The following TBC1D22A variants were observed in gnomAD, a reference collection of about 807,000 sequenced individuals.
TBC1D22A encodes the protein TBC1 domain family member 22A.
A neutral mutation model predicts 60.2 loss-of-function variants in TBC1D22A; 38 were observed. That is an observed-to-expected ratio of 0.63 (90% CI 0.49 to 0.83). The LOEUF is 0.83. Ranked by LOEUF, TBC1D22A falls within the 40% of genes least tolerant of loss-of-function variation. The pLI, the probability that TBC1D22A is intolerant of heterozygous loss-of-function variation, is 0.00. For synonymous variants in TBC1D22A, 302 were observed against 281.7 expected (o/e 1.07, Z -0.72); for missense variants, 628 against 701.0 (o/e 0.90, Z 1.18).
chr22:47,128,907 C>G (rs773435768), intron 12 of TBC1D22A, among the ~76,000 whole-genome samples: 1 of 152,230 alleles, frequency 6.6e-6, no homozygotes, highest in Admixed American at 6.5e-5. Context: ...GGCAAAGAAA[C>G]AGGACCGTCA....
chr22:47,085,837 C>T (rs945385685), intron 11 of TBC1D22A, among the ~76,000 whole-genome samples: 1 of 152,076 alleles, frequency 6.6e-6, no homozygotes, highest in African/African-American at 2.4e-5. Context: ...ACCGGGAATC[C>T]AGAGATGGGA....
intron 11 of TBC1D22A, among the ~76,000 whole-genome samples, chr22:47,059,934 T>C (rs1355868052): frequency 6.6e-6 from 1 of 152,160 alleles, no homozygotes; most frequent in African/African-American, 2.4e-5. Flanking sequence ...CAGGCCAAGC[T>C]TCTCTGTTCC....
In TBC1D22A at chr22:47,028,874, A is replaced by G. The variant is rs537908709; in HGVS notation, c.1202-8197A>G. ...TGTGGGACACCACCGCACGATCCTG[A>G]CACTAACATCCCAGAGTTGGTGTCA... On this transcript the variant is annotated intron_variant, in intron 10 of 12. Transcript: ENST00000337137. The surrounding 1 kb of genome is among the most constrained non-coding windows in gnomAD (Gnocchi z 4.4). Among the ~76,000 whole-genome samples, 14 of 152,248 alleles carry G rather than the reference A, an allele frequency of 9.2e-5. No individual in the cohort carries two copies. The East Asian group carries it at 1.7e-3, about 19-fold the overall frequency.
At chr22:47,118,541 C>G (rs1446847497) in intron 12 of TBC1D22A, among the ~76,000 whole-genome samples, 1 of 152,014 alleles carries the variant, frequency 6.6e-6, no homozygotes, top group Non-Finnish European at 1.5e-5. Context: ...AATATTAAAA[C>G]AAGTAAACTA....
chr22:46,794,769 C>T (rs908254883), intron 3 of TBC1D22A, among the ~76,000 whole-genome samples: 8 of 151,824 alleles, frequency 5.3e-5, no homozygotes, highest in Non-Finnish European at 1.2e-4. Context: ...TCATCTGAAA[C>T]GGGGAGGTCA....
intron 12 of TBC1D22A, among the ~76,000 whole-genome samples, chr22:47,168,147 G>A (rs979417087): frequency 3.3e-5 from 5 of 152,234 alleles, no homozygotes; most frequent in African/African-American, 1.2e-4. Context: ...GCAAAGTGCT[G>A]TGGGCTCAGT....
chr22:46,818,213 A>C (rs1481149680), intron 4 of TBC1D22A, among the ~76,000 whole-genome samples: 1 of 152,144 alleles, frequency 6.6e-6, no homozygotes, highest in East Asian at 1.9e-4. Flanking sequence ...GTTCATTTTG[A>C]TGATAGTTTC....
rs183262440 is a variant in TBC1D22A, at chr22:46,968,601, G to A, written c.1016-5689G>A. Among the ~76,000 whole-genome samples, 1,124 of 150,118 alleles carry A rather than the reference G, an allele frequency of 7.5e-3. 11 individuals carry two copies. The highest frequency in any genetic ancestry group is 0.027 in the African/African-American group (1,084 of 40,690). Reference sequence around the variant, plus strand: ...GGCCGGCGGTCCTGAGTGGGCGGGCGTCCTCACTGCGTGGCCGGCGGTCCT... The same window carrying A: ...GGCCGGCGGTCCTGAGTGGGCGGGCATCCTCACTGCGTGGCCGGCGGTCCT... On this transcript the variant is annotated intron_variant, in intron 8 of 12. Transcript: ENST00000337137.
chr22:47,173,408 G>A, intron 12 of TBC1D22A, 90 bp from the exon 13 acceptor site: 4 of 1,551,706 alleles, frequency 2.6e-6, no homozygotes, highest in Non-Finnish European at 3.5e-6. Flanking sequence ...CTCTGACCTG[G>A]GCTTGTATCT....
intron 10 of TBC1D22A, among the ~76,000 whole-genome samples, chr22:47,023,556 A>G (rs540364201): frequency 6.6e-5 from 10 of 152,366 alleles, no homozygotes; most frequent in African/African-American, 2.2e-4. Flanking sequence ...TCATAATCCA[A>G]TTGCCCAAAA....
Position 47,173,606 on chromosome 22 carries a change from C to T in TBC1D22A, c.1534C>T (p.Pro512Ser), listed in dbSNP as rs759572384. The T allele has an allele frequency of 1.2e-5, 19 of 1,613,930 alleles. No individual in the cohort carries two copies. The highest frequency in any genetic ancestry group is 1.7e-6 in the Non-Finnish European group (2 of 1,179,982). ...YRLKFAFADA[P>S]NHYKK ...CCTCAAGTTTGCTTTTGCCGACGCC[C>T]CCAATCACTACAAGAAATGAGCCCA... The change falls in exon 13 of 13, where the codon CCC becomes TCC. Residue 512 changes from proline (P) to serine (S), a missense_variant. Pro to Ser is a moderately conservative substitution (Grantham distance 74). Coordinates refer to ENST00000337137, the MANE Select transcript of TBC1D22A (RefSeq NM_014346.5).
chr22:47,007,144 T>C (rs1249211894), intron 10 of TBC1D22A, among the ~76,000 whole-genome samples: 2 of 152,170 alleles, frequency 1.3e-5, no homozygotes, highest in Admixed American at 6.5e-5. Context: ...CACTGTCACA[T>C]TGACCTCGAC....
In TBC1D22A at chr22:47,028,512, T is replaced by G. The variant is rs995705579; in HGVS notation, c.1202-8559T>G. On this transcript the variant is annotated intron_variant, in intron 10 of 12. Coordinates refer to ENST00000337137, the MANE Select transcript of TBC1D22A (RefSeq NM_014346.5). This position sits in a 1 kb window ranked among gnomAD's most constrained non-coding sequence, Gnocchi z 4.4. ...GGTCGCATTCCTGTCCCTCGGTCCC[T>G]GTCCCCCACGGCCCAGGTTCTGAGA... is the stretch of plus-strand genomic sequence containing the variant. 1.4e-5 allele frequency among the ~76,000 whole-genome samples: 2 copies of G among 141,902 alleles called. No homozygotes were observed. The highest frequency in any genetic ancestry group is 5.4e-5 in the African/African-American group (2 of 36,698). 93.1% of individuals were successfully genotyped at this position (141,902 alleles called of 152,430 possible). A position where few individuals can be genotyped will look rare whatever the true frequency, so the allele number is the denominator to read the frequency against.
At chr22:47,072,136 G>T (rs759172275) in intron 11 of TBC1D22A, among the ~76,000 whole-genome samples, 1 of 152,240 alleles carries the variant, frequency 6.6e-6, no homozygotes, top group Non-Finnish European at 1.5e-5. Flanking sequence ...CAGAGGCATG[G>T]CCAGGACGCT....
At chr22:46,951,660 C>T (rs1016692231) in intron 8 of TBC1D22A, among the ~76,000 whole-genome samples, 6 of 152,154 alleles carry the variant, frequency 3.9e-5, no homozygotes, top group East Asian at 1.9e-4. Context: ...CCAGTTACAG[C>T]GAGGTGTAAA....
At chr22:46,905,602 G>A (rs1407407267) in intron 7 of TBC1D22A, among the ~76,000 whole-genome samples, 1 of 152,248 alleles carries the variant, frequency 6.6e-6, no homozygotes, top group Non-Finnish European at 1.5e-5. Context: ...GGCGGGTGGG[G>A]GACAGGCGGG....
At chr22:46,911,236 C>T (rs753691648) in intron 7 of TBC1D22A, among the ~76,000 whole-genome samples, 3 of 152,002 alleles carry the variant, frequency 2.0e-5, no homozygotes, top group Admixed American at 1.3e-4. Flanking sequence ...GGGAGGAGGC[C>T]GGAATGACTC....
chr22:46,892,145 T>C (rs1470618898), intron 6 of TBC1D22A, among the ~76,000 whole-genome samples: 1 of 152,206 alleles, frequency 6.6e-6, no homozygotes, highest in Non-Finnish European at 1.5e-5. Context: ...GGTATTATTG[T>C]CTTAGCTATC....
intron 4 of TBC1D22A, among the ~76,000 whole-genome samples, chr22:46,862,891 C>T (rs552829423): frequency 1.3e-5 from 2 of 152,240 alleles, no homozygotes; most frequent in Admixed American, 6.5e-5. Context: ...GAAGAGGCAC[C>T]GTGGACCCGA....
Sources: gnomAD v4.1 joint callset for allele counts (sites outside exome capture counted in the v4.1 genomes callset) on GRCh38, gnomAD v4.1.1 for gene constraint, Gnocchi (gnomAD v3.1) non-coding constraint, MANE v1.5 for transcripts, NCBI Gene and HGNC (gene_info 2026-07-23, HGNC 2026-07-21) for gene names.